Variants in ABCA13 observed in about 807,000 individuals in gnomAD.
ABCA13 encodes ATP-binding cassette sub-family A member 13.
Under a neutral mutation model 478.7 loss-of-function variants are expected in ABCA13, and 476 were observed. The ratio of observed to expected loss-of-function variants is 0.99; its 90% CI spans 0.92 to 1.07. ABCA13 has a LOEUF of 1.07. ABCA13 is among the 50% of genes least tolerant of loss of function. The probability of loss-of-function intolerance (pLI) is 0.00; values close to 1 mark genes in which losing one functional copy is unlikely to be tolerated. For missense variants in ABCA13, 6,060 were observed against 5,910.6 expected, an observed-to-expected ratio of 1.03 and a Z score of -0.83; for synonymous variants, 2,252 against 2,158.9, an observed-to-expected ratio of 1.04 and a Z score of -1.20.
chr7:48,522,223 C>G (rs1832594170), intron 53 of ABCA13, among the ~76,000 whole-genome samples: 1 of 152,178 alleles, frequency 6.6e-6, no homozygotes, highest in South Asian at 2.1e-4. Flanking sequence ...ATAGATCCTG[C>G]CTTCCCAGCC....
At chr7:48,586,900 C>T (rs1789239886) in intron 56 of ABCA13, among the ~76,000 whole-genome samples, 1 of 152,132 alleles carries the variant, frequency 6.6e-6, no homozygotes, top group Admixed American at 6.5e-5. Flanking sequence ...TTCTTGCCCA[C>T]CCTTCTCCCT....
rs35693419 is a variant in ABCA13, at chr7:48,570,319, CTTTTTT to C, written c.14355-9887_14355-9882del. Among the ~76,000 whole-genome samples the C allele has an allele frequency of 1.2e-3, 108 of 88,214 alleles. 2 individuals are homozygous for C. In the East Asian group the frequency reaches 0.025, roughly 20 times the overall value. The allele number at this position is 88,214 out of a possible 152,430, so 57.9% of individuals were successfully genotyped here. On this transcript the variant is annotated intron_variant, in intron 55 of 61. Transcript: ENST00000435803. ...TTCATTGTATATCTTTTTGCATCCT[CTTTTTT>C]TTTTTTTTTTTTTTTTTGAGATGGA...
Position 48,297,940 on chromosome 7 carries a change from A to AT in ABCA13, c.9200-409dup, listed in dbSNP as rs35586036. On this transcript the variant is annotated intron_variant, in intron 22 of 61. Transcript: ENST00000435803. The stretch of plus-strand genomic sequence containing the variant: ...CAGGGATGTGCCACCATGCCCGGCT[A>AT]TTTTTTTTTTTTTTTTTGTATTTTT... 9.9e-3 allele frequency among the ~76,000 whole-genome samples: 1,296 copies of AT among 131,258 alleles called. 11 individuals are homozygous for AT. The highest frequency in any genetic ancestry group is 0.021 in the African/African-American group (738 of 35,822). 86.1% of individuals were successfully genotyped at this position (131,258 alleles called of 152,430 possible). A position where few individuals can be genotyped will look rare whatever the true frequency, so the allele number is the denominator to read the frequency against.
intron 42 of ABCA13, among the ~76,000 whole-genome samples, chr7:48,442,833 G>T (rs1016290024): frequency 6.6e-6 from 1 of 152,170 alleles, no homozygotes; most frequent in African/African-American, 2.4e-5. Context: ...GATGGAAAAA[G>T]AATTCTACTT....
chr7:48,364,606 TC>T (rs1811383976), intron 31 of ABCA13, among the ~76,000 whole-genome samples: 1 of 152,190 alleles, frequency 6.6e-6, no homozygotes, highest in African/African-American at 2.4e-5. Flanking sequence ...TACTCTACTT[TC>T]TACCTCAATG....
At chr7:48,353,210 G>T (rs563819422) in intron 31 of ABCA13, among the ~76,000 whole-genome samples, 1 of 151,796 alleles carries the variant, frequency 6.6e-6, no homozygotes, top group Non-Finnish European at 1.5e-5. Context: ...TCACCAAAGC[G>T]GGGTGAGCCG....
chr7:48,465,798 C>A (rs1315051559), intron 43 of ABCA13, among the ~76,000 whole-genome samples: 1 of 151,640 alleles, frequency 6.6e-6, no homozygotes, highest in East Asian at 1.9e-4. Context: ...TTTTTTATAA[C>A]TGTATGTTTG....
intron 57 of ABCA13, among the ~76,000 whole-genome samples, chr7:48,589,340 GT>G (rs1416951362): frequency 1.1e-4 from 16 of 151,694 alleles, no homozygotes; most frequent in Non-Finnish European, 7.4e-5. Flanking sequence ...AAACATCAGG[GT>G]TGGCTTACCT....
chr7:48,295,572 C>A, intron 20 of ABCA13, 128 bp from the exon 21 acceptor site: 3 of 1,206,814 alleles, frequency 2.5e-6, no homozygotes, highest in Non-Finnish European at 3.5e-6. Context: ...GCTCTTTCTA[C>A]TACTCTGCAA....
chr7:48,556,971 T>C (rs1391174990), intron 55 of ABCA13, among the ~76,000 whole-genome samples: 1 of 152,070 alleles, frequency 6.6e-6, no homozygotes, highest in Non-Finnish European at 1.5e-5. Context: ...TGTTCATTGA[T>C]TTGAGTTACC....
At chr7:48,644,935 T>A (rs1474483366) in intron 61 of ABCA13, among the ~76,000 whole-genome samples, 181 bp downstream of exon 61, 1 of 152,176 alleles carries the variant, frequency 6.6e-6, no homozygotes, top group Non-Finnish European at 1.5e-5. Context: ...TGTATACCCT[T>A]CTACTTAAGA....
intron 59 of ABCA13, chr7:48,626,778 A>G: frequency 1.0e-6 from 1 of 985,526 alleles, no homozygotes; most frequent in Non-Finnish European, 1.2e-6. Context: ...TCTTTAGAGA[A>G]ACAGAAGTTG....
chr7:48,598,247 T>A (rs951460956), intron 58 of ABCA13, among the ~76,000 whole-genome samples: 1 of 152,192 alleles, frequency 6.6e-6, no homozygotes, highest in Non-Finnish European at 1.5e-5. Flanking sequence ...CCATGTCTTC[T>A]CATGGCTTGA....
intron 3 of ABCA13, 115 bp from the exon 4 acceptor site, chr7:48,219,239 G>A: frequency 6.5e-6 from 7 of 1,075,562 alleles, no homozygotes; most frequent in Non-Finnish European, 7.9e-6. Context: ...GATGATGAGA[G>A]TGTAAGTTGG....
At chr7:48,232,525 T>A (rs1789304953) in intron 7 of ABCA13, among the ~76,000 whole-genome samples, 1 of 152,178 alleles carries the variant, frequency 6.6e-6, no homozygotes, top group Non-Finnish European at 1.5e-5. Context: ...TCATGTCTCT[T>A]GTCTCCAAGA....
chr7:48,204,507 G>T (rs762015692), intron 3 of ABCA13, among the ~76,000 whole-genome samples: 5 of 152,206 alleles, frequency 3.3e-5, no homozygotes, highest in African/African-American at 1.2e-4. Context: ...CACCGCGCCC[G>T]GCCTATCCTT....
At chr7:48,562,361 AGGTT>A (rs1479554720) in intron 55 of ABCA13, among the ~76,000 whole-genome samples, 3 of 152,086 alleles carry the variant, frequency 2.0e-5, no homozygotes, top group Non-Finnish European at 4.4e-5. Context: ...ATGACATCTA[AGGTT>A]GGAAGTTAGA....
At chr7:48,263,942 G>T (rs1300888015) in intron 15 of ABCA13, among the ~76,000 whole-genome samples, 2 of 151,820 alleles carry the variant, frequency 1.3e-5, no homozygotes, top group African/African-American at 2.4e-5. Flanking sequence ...CTTCTCTATT[G>T]TCAATTCCGG....
At chr7:48,410,860 C>T (rs1451966752) in intron 40 of ABCA13, among the ~76,000 whole-genome samples, 183 bp downstream of exon 40, 3 of 152,232 alleles carry the variant, frequency 2.0e-5, no homozygotes, top group Non-Finnish European at 2.9e-5. Context: ...CCCAAGCATG[C>T]ATTTTGACCG....
Sources: gnomAD v4.1 joint callset for allele counts (sites outside exome capture counted in the v4.1 genomes callset) on GRCh38, gnomAD v4.1.1 for gene constraint, MANE v1.5 for transcripts, NCBI Gene and HGNC (gene_info 2026-07-23, HGNC 2026-07-21) for gene names.